PTPRM: variants seen among roughly 807,000 people sequenced by gnomAD.
The protein encoded by PTPRM is protein tyrosine phosphatase receptor type M, also known as receptor-type tyrosine-protein phosphatase mu.
Under a neutral mutation model 186.7 loss-of-function variants are expected in PTPRM, and 47 were observed. The observed-to-expected ratio is 0.25, with a 90% CI of 0.20 to 0.32. The LOEUF is 0.32. PTPRM is among the 10% of genes least tolerant of loss of function. The pLI, the probability that PTPRM is intolerant of heterozygous loss-of-function variation, is 1.00. For synonymous variants in PTPRM, 668 were observed against 674.9 expected (o/e 0.99, Z 0.16); for missense variants, 1,494 against 1,865.0 (o/e 0.80, Z 3.66).
intron 14 of PTPRM, among the ~76,000 whole-genome samples, chr18:8,173,365 C>T (rs762648087): frequency 6.6e-6 from 1 of 152,190 alleles, no homozygotes; most frequent in Non-Finnish European, 1.5e-5. Flanking sequence ...TATTTCTTAA[C>T]ACTTGGTAAA....
intron 23 of PTPRM, among the ~76,000 whole-genome samples, chr18:8,365,435 T>G (rs900290094): frequency 1.1e-4 from 17 of 152,222 alleles, no homozygotes; most frequent in African/African-American, 4.1e-4. Context: ...CCATCCAGTG[T>G]GTCCAGTTCA....
intron 11 of PTPRM, among the ~76,000 whole-genome samples, chr18:8,093,419 C>T (rs1287779106): frequency 6.6e-6 from 1 of 152,162 alleles, no homozygotes; most frequent in Non-Finnish European, 1.5e-5. Context: ...CCTGGTCCTC[C>T]AGCATTTCCT....
intron 1 of PTPRM, among the ~76,000 whole-genome samples, chr18:7,590,147 C>T (rs867226991): frequency 5.3e-5 from 8 of 152,158 alleles, no homozygotes; most frequent in African/African-American, 1.4e-4. Context: ...GCTTTTGTAA[C>T]GCACTACCGA....
chr18:7,695,234 G>C (rs1362320069), intron 1 of PTPRM, among the ~76,000 whole-genome samples: 1 of 152,194 alleles, frequency 6.6e-6, no homozygotes, highest in African/African-American at 2.4e-5. Flanking sequence ...AGGAGTCCCA[G>C]GTCGTTTATA....
intron 11 of PTPRM, among the ~76,000 whole-genome samples, chr18:8,098,736 C>T (rs929392773): frequency 3.9e-5 from 6 of 152,254 alleles, no homozygotes; most frequent in East Asian, 3.9e-4. Flanking sequence ...AACTTGTCTT[C>T]TCACCTCTTG....
At chr18:8,307,567 G>A (rs928901971) in intron 20 of PTPRM, among the ~76,000 whole-genome samples, 5 of 152,180 alleles carry the variant, frequency 3.3e-5, no homozygotes, top group African/African-American at 1.2e-4. Flanking sequence ...ACTTTGGGAG[G>A]CCAAGGCAGG....
At chr18:8,128,695 C>A (rs2092431910) in intron 13 of PTPRM, among the ~76,000 whole-genome samples, 1 of 151,986 alleles carries the variant, frequency 6.6e-6, no homozygotes, top group African/African-American at 2.4e-5. Flanking sequence ...TTTTTCTTGT[C>A]ATTTTTTGGA....
chr18:8,375,479 A>G (rs1421866632), intron 24 of PTPRM, among the ~76,000 whole-genome samples: 1 of 152,236 alleles, frequency 6.6e-6, no homozygotes, highest in African/African-American at 2.4e-5. Context: ...TGTAAATGCA[A>G]ATGAGCTCTC....
intron 1 of PTPRM, among the ~76,000 whole-genome samples, chr18:7,756,976 T>G (rs2041527270): frequency 6.6e-6 from 1 of 152,206 alleles, no homozygotes; most frequent in Admixed American, 6.5e-5. Flanking sequence ...TAGCCTGATC[T>G]TCAGCCATGT....
intron 1 of PTPRM, among the ~76,000 whole-genome samples, chr18:7,681,491 T>G (rs2039479437): frequency 6.6e-6 from 1 of 152,104 alleles, no homozygotes; most frequent in Non-Finnish European, 1.5e-5. Context: ...TCTCTCCTCA[T>G]GATGATGTTT....
chr18:7,985,432 G>GTATATAAATATATACATATACTGGTAT (rs2082894075), intron 7 of PTPRM, among the ~76,000 whole-genome samples: 3 of 130,314 alleles, frequency 2.3e-5, no homozygotes, highest in African/African-American at 9.4e-5. Flanking sequence ...TATACTGGTA[G>GTATATAAATATATACATATACTGGTAT]ATACGTATAT....
intron 7 of PTPRM, among the ~76,000 whole-genome samples, chr18:8,063,658 T>C (rs549015105): frequency 1.6e-4 from 25 of 152,258 alleles, no homozygotes; most frequent in African/African-American, 6.0e-4. Flanking sequence ...GATTTAGGGG[T>C]ACAAGTACAG....
At chr18:8,186,895 A>G (rs1170325287) in intron 14 of PTPRM, among the ~76,000 whole-genome samples, 5 of 152,152 alleles carry the variant, frequency 3.3e-5, no homozygotes, top group African/African-American at 2.4e-5. Flanking sequence ...CAAGCTCATA[A>G]TAGAGAGATT....
intron 7 of PTPRM, among the ~76,000 whole-genome samples, chr18:7,984,952 T>C (rs1327603160): frequency 9.6e-5 from 12 of 125,470 alleles, no homozygotes; most frequent in Non-Finnish European, 1.9e-4. Flanking sequence ...TATATACATA[T>C]ATAATTATAT....
At chr18:8,029,271 G>C (rs1292760829) in intron 7 of PTPRM, among the ~76,000 whole-genome samples, 3 of 128,944 alleles carry the variant, frequency 2.3e-5, no homozygotes, top group Admixed American at 1.7e-4. Flanking sequence ...CACCTGTCCT[G>C]TCTGGAGTGC....
chr18:7,950,827 T>C (rs890910898), intron 6 of PTPRM, among the ~76,000 whole-genome samples: 1 of 152,074 alleles, frequency 6.6e-6, no homozygotes, highest in African/African-American at 2.4e-5. Context: ...ACCTATTGTC[T>C]CCTCCCTGTC....
At chr18:7,592,141 G>T (rs1420007190) in intron 1 of PTPRM, among the ~76,000 whole-genome samples, 8 of 152,084 alleles carry the variant, frequency 5.3e-5, no homozygotes, top group African/African-American at 1.9e-4. Flanking sequence ...TTCTGTTAAG[G>T]ATGAAAACCA....
Position 7,982,853 on chromosome 18 carries a change from G to A in PTPRM, c.1132+27439G>A, listed in dbSNP as rs562785530. 4.6e-5 allele frequency among the ~76,000 whole-genome samples: 7 copies of A among 152,180 alleles called. No homozygotes were observed. In the South Asian group the frequency reaches 8.3e-4, roughly 18 times the overall value. ...GTTGATGGAAATGTTGTTATGTGGC[G>A]TGTGATGGTGTATCTTTCTCTGAGG... is the stretch of plus-strand genomic sequence containing the variant. On this transcript the variant is annotated intron_variant, in intron 7 of 32. Coordinates refer to ENST00000580170, the MANE Select transcript of PTPRM (RefSeq NM_001105244.2).
intron 2 of PTPRM, among the ~76,000 whole-genome samples, chr18:7,861,797 C>T (rs959477289): frequency 1.1e-4 from 16 of 151,730 alleles, no homozygotes; most frequent in African/African-American, 1.9e-4. Flanking sequence ...AGAGAATCTG[C>T]ACATAAACAG....
Sources: allele counts gnomAD v4.1 joint callset (sites outside exome capture counted in the v4.1 genomes callset), GRCh38; gene constraint gnomAD v4.1.1; transcripts MANE v1.5; gene names NCBI Gene and HGNC (gene_info 2026-07-23, HGNC 2026-07-21).